C16orf74: variants seen among roughly 807,000 people sequenced by gnomAD.
C16orf74 encodes the protein calcimembrin.
In C16orf74, 10 loss-of-function variants were observed where a neutral mutation model predicts 6.5. The observed-to-expected ratio is 1.54, with a 90% confidence interval of 0.95 to 2.61. C16orf74 has a LOEUF of 2.61. Ranked by LOEUF, C16orf74 falls within the 30% of genes most tolerant of loss-of-function variation. C16orf74 has a pLI of 0.00. For missense variants in C16orf74, 141 were observed against 105.9 expected (o/e 1.33, Z -1.45); for synonymous variants, 60 against 42.5 (o/e 1.41, Z -1.60).
chr16:85,715,151 C>T (rs1452786043), intron 2 of C16orf74, among the ~76,000 whole-genome samples: 1 of 107,048 alleles, frequency 9.3e-6, no homozygotes, highest in Non-Finnish European at 2.0e-5. Flanking sequence ...AGCCAGACTC[C>T]GTCTCAAAAA....
intron 1 of C16orf74, among the ~76,000 whole-genome samples, chr16:85,740,940 T>C (rs2054300118): frequency 6.6e-6 from 1 of 151,948 alleles, no homozygotes; most frequent in Admixed American, 6.6e-5. Context: ...GTGATACGCA[T>C]GAATACGTGC....
intron 1 of C16orf74, among the ~76,000 whole-genome samples, chr16:85,746,439 G>T (rs1274288449): frequency 6.6e-6 from 1 of 152,166 alleles, no homozygotes; most frequent in Non-Finnish European, 1.5e-5. Flanking sequence ...TCTATTCAAG[G>T]TCATCTGATT....
intron 1 of C16orf74, among the ~76,000 whole-genome samples, chr16:85,741,269 C>G (rs1454296869): frequency 6.6e-6 from 1 of 152,218 alleles, no homozygotes; most frequent in Non-Finnish European, 1.5e-5. Flanking sequence ...AGCAAAGGAT[C>G]TGTATTATGC....
intron 2 of C16orf74, among the ~76,000 whole-genome samples, chr16:85,714,352 A>C (rs2053998103): frequency 6.6e-6 from 1 of 151,266 alleles, no homozygotes; most frequent in South Asian, 2.1e-4. Context: ...CTGAACCCCA[A>C]CACTGTTTCC....
At chr16:85,742,632 C>T (rs1285527394) in intron 1 of C16orf74, among the ~76,000 whole-genome samples, 2 of 152,130 alleles carry the variant, frequency 1.3e-5, no homozygotes, top group Admixed American at 1.3e-4. Flanking sequence ...ACCTCCGCCT[C>T]CTGGGTTCAA....
intron 1 of C16orf74, among the ~76,000 whole-genome samples, chr16:85,750,267 G>A (rs2054422160): frequency 6.6e-6 from 1 of 152,224 alleles, no homozygotes; most frequent in Non-Finnish European, 1.5e-5. Context: ...CGCAGCCGGA[G>A]GCGGTCTGAG....
intron 1 of C16orf74, among the ~76,000 whole-genome samples, chr16:85,748,357 T>C (rs557780988): frequency 6.6e-6 from 1 of 152,024 alleles, no homozygotes; most frequent in East Asian, 1.9e-4. Context: ...TCCAGCAATT[T>C]GGGAGGCTGA....
At chr16:85,720,482 C>T (rs908746432) in intron 2 of C16orf74, among the ~76,000 whole-genome samples, 2 of 152,124 alleles carry the variant, frequency 1.3e-5, no homozygotes, top group Non-Finnish European at 2.9e-5. Flanking sequence ...AAGGCCAGGT[C>T]CAGGGTCGGG....
At chr16:85,739,841 C>T (rs992618069) in intron 1 of C16orf74, among the ~76,000 whole-genome samples, 5 of 152,126 alleles carry the variant, frequency 3.3e-5, no homozygotes, top group African/African-American at 4.8e-5. Context: ...AGAGAAACAA[C>T]TGTATTTTAG....
chr16:85,715,384 T>C (rs2054013549), intron 2 of C16orf74, among the ~76,000 whole-genome samples: 1 of 152,120 alleles, frequency 6.6e-6, no homozygotes, highest in Admixed American at 6.5e-5. Flanking sequence ...CTTACAAATG[T>C]GGAAACTGGG....
chr16:85,740,901 TAACTC>T (rs2054299548), intron 1 of C16orf74, among the ~76,000 whole-genome samples: 1 of 150,152 alleles, frequency 6.7e-6, no homozygotes. Flanking sequence ...TTCCGTAACT[TAACTC>T]TCAAATTGTT....
intron 2 of C16orf74, among the ~76,000 whole-genome samples, chr16:85,723,734 CGTGCA>C (rs1555584898): frequency 1.3e-5 from 2 of 152,180 alleles, no homozygotes; most frequent in Non-Finnish European, 2.9e-5. Flanking sequence ...GGTGGTGGGG[CGTGCA>C]CGTAGCCGTG....
intron 1 of C16orf74, among the ~76,000 whole-genome samples, chr16:85,741,245 C>T (rs1370256818): frequency 2.0e-5 from 3 of 152,156 alleles, no homozygotes; most frequent in Admixed American, 6.5e-5. Flanking sequence ...GTTCCTGGGG[C>T]CAGGCTCTGG....
intron 1 of C16orf74, among the ~76,000 whole-genome samples, chr16:85,735,596 G>A (rs1227917406): frequency 1.3e-5 from 2 of 152,138 alleles, no homozygotes; most frequent in Non-Finnish European, 2.9e-5. Context: ...GCCACAGGAC[G>A]GCCGCAGCTG....
intron 2 of C16orf74, among the ~76,000 whole-genome samples, chr16:85,721,053 T>G (rs2054078041): frequency 6.6e-6 from 1 of 152,084 alleles, no homozygotes; most frequent in Non-Finnish European, 1.5e-5. Context: ...ATCGCGCCAC[T>G]GCACCCTAGC....
At chr16:85,742,476 G>A (rs1217722819) in intron 1 of C16orf74, among the ~76,000 whole-genome samples, 2 of 152,244 alleles carry the variant, frequency 1.3e-5, no homozygotes, top group South Asian at 2.1e-4. Flanking sequence ...TTGAGTGGAA[G>A]CAGCCTGAGG....
intron 2 of C16orf74, chr16:85,710,673 G>C (rs1172114928): frequency 4.8e-6 from 1 of 208,810 alleles, no homozygotes; most frequent in Non-Finnish European, 9.5e-6. Context: ...TCTCCAAAGT[G>C]CTCACACTTC....
intron 2 of C16orf74, among the ~76,000 whole-genome samples, chr16:85,726,975 G>C (rs1488939964): frequency 6.6e-6 from 1 of 152,168 alleles, no homozygotes; most frequent in African/African-American, 2.4e-5. Flanking sequence ...GCCACCCCTA[G>C]CCACCCCGGG....
intron 1 of C16orf74, among the ~76,000 whole-genome samples, chr16:85,735,634 C>A (rs1287782853): frequency 6.6e-6 from 1 of 151,920 alleles, no homozygotes; most frequent in Non-Finnish European, 1.5e-5. Context: ...GCCAGCAGGG[C>A]TCGGGGGTGG....
Sources: gnomAD v4.1 joint callset for allele counts (sites outside exome capture counted in the v4.1 genomes callset) on GRCh38, gnomAD v4.1.1 for gene constraint, MANE v1.5 for transcripts, NCBI Gene and HGNC (gene_info 2026-07-23, HGNC 2026-07-21) for gene names.